The following MARK1 variants were observed in gnomAD, a reference collection of about 807,000 sequenced individuals.
MARK1 encodes the protein serine/threonine-protein kinase MARK1.
Under a neutral mutation model 96.3 loss-of-function variants are expected in MARK1, and 40 were observed. That is an observed-to-expected ratio of 0.42 (90% CI 0.32 to 0.54). MARK1 has a LOEUF of 0.54. Among genes scored for constraint, MARK1 ranks in the 20% least tolerant of loss-of-function variants. MARK1 has a pLI of 0.16. For missense variants in MARK1, 719 were observed against 984.6 expected (o/e 0.73, Z 3.61); for synonymous variants, 317 against 341.2 (o/e 0.93, Z 0.78).
At chr1:220,637,496 A>T (rs1315770707) in intron 13 of MARK1, among the ~76,000 whole-genome samples, 1 of 152,106 alleles carries the variant, frequency 6.6e-6, no homozygotes, top group South Asian at 2.1e-4. Context: ...CCTGGCTAAC[A>T]TGATAAAACC....
chr1:220,636,387 C>T (rs1256686799), intron 13 of MARK1, among the ~76,000 whole-genome samples: 1 of 151,990 alleles, frequency 6.6e-6, no homozygotes, highest in Non-Finnish European at 1.5e-5. Context: ...AGTTGCCTCA[C>T]ATTATTCACT....
chr1:220,611,590 A>T (rs1238389833), intron 6 of MARK1, among the ~76,000 whole-genome samples: 1 of 152,196 alleles, frequency 6.6e-6, no homozygotes, highest in Non-Finnish European at 1.5e-5. Flanking sequence ...TCCCAGTGAG[A>T]TGAACCAGGT....
chr1:220,603,773 G>C (rs1222227779), intron 5 of MARK1, among the ~76,000 whole-genome samples: 1 of 152,058 alleles, frequency 6.6e-6, no homozygotes, highest in Non-Finnish European at 1.5e-5. Flanking sequence ...GTATAATAAA[G>C]AGTTGACTGT....
At chr1:220,625,769 A>C in intron 9 of MARK1, 1 of 450,526 alleles carries the variant, frequency 2.2e-6, no homozygotes, top group Admixed American at 2.5e-5. Flanking sequence ...CCAGGAGGAA[A>C]GTCTGTTACT....
In MARK1 at chr1:220,626,432, A is replaced by G. The variant is rs1016043601; in HGVS notation, c.910-4603A>G. 2.7e-4 allele frequency: 149 copies of G among 544,488 alleles called. 1 individual carries two copies. In the Admixed American group the frequency reaches 2.8e-3, roughly 10 times the overall value. The allele number at this position is 544,488 out of a possible 1,614,324, so 33.7% of individuals were successfully genotyped here. A position where few individuals can be genotyped will look rare whatever the true frequency, so the allele number is the denominator to read the frequency against. On this transcript the variant is annotated intron_variant, in intron 9 of 17. Transcript: ENST00000366917. ...AACTACCTGCTCCGAGATGGGATTGACGACAAGTCCTATGAGGCCATTTCA... is the reference window on the plus strand; with the variant it reads ...AACTACCTGCTCCGAGATGGGATTGGCGACAAGTCCTATGAGGCCATTTCA...
intron 3 of MARK1, among the ~76,000 whole-genome samples, chr1:220,589,814 A>T (rs1274427122): frequency 6.6e-6 from 1 of 152,268 alleles, no homozygotes; most frequent in Non-Finnish European, 1.5e-5. Flanking sequence ...ACTGAAAATT[A>T]ACATCAGAAA....
intron 3 of MARK1, among the ~76,000 whole-genome samples, chr1:220,587,214 A>T (rs1229288542): frequency 1.3e-5 from 2 of 151,876 alleles, no homozygotes; most frequent in Admixed American, 6.6e-5. Flanking sequence ...TTTTCATTTA[A>T]CATTGTCTTA....
In MARK1 at chr1:220,581,107, A is replaced by T; in HGVS notation, c.298A>T (p.Ser100Cys). The part of the protein sequence containing the change: ...IIDKTQLNPT[S>C]LQKLFREVRI... ...AGACAAAACTCAGCTAAATCCTACC[A>T]GTCTACAAAAGGTATTTAATTAATT... Residue 100 changes from serine (S) to cysteine (C), a missense_variant, in exon 3 of 18, where the codon AGT (serine) becomes TGT (cysteine). By Grantham distance (112) the Ser-to-Cys change is moderately radical. This residue lies in a region of MARK1 where 105 missense variants were observed against 133.4 expected (regional missense o/e 0.79). Coordinates refer to ENST00000366917, the MANE Select transcript of MARK1 (RefSeq NM_018650.5). The T allele has an allele frequency of 8.1e-7, 1 of 1,231,000 alleles. No individual in the cohort carries two copies. The allele number at this position is 1,231,000 out of a possible 1,614,324, so 76.3% of individuals were successfully genotyped here. A position where few individuals can be genotyped will look rare whatever the true frequency, so the allele number is the denominator to read the frequency against.
intron 13 of MARK1, among the ~76,000 whole-genome samples, chr1:220,638,441 T>A (rs943847717): frequency 1.8e-4 from 28 of 152,308 alleles, no homozygotes; most frequent in Middle Eastern, 3.4e-3. Flanking sequence ...CTTTTTCAAT[T>A]GCTTATCCTG....
chr1:220,591,026 T>C (rs1463505985), intron 3 of MARK1, among the ~76,000 whole-genome samples: 1 of 152,110 alleles, frequency 6.6e-6, no homozygotes, highest in Non-Finnish European at 1.5e-5. Context: ...GGAAGTGGAG[T>C]GACCTTCTGT....
chr1:220,629,142 A>C (rs78792803), intron 9 of MARK1, among the ~76,000 whole-genome samples: 1 of 152,136 alleles, frequency 6.6e-6, no homozygotes, highest in Admixed American at 6.6e-5. Context: ...TAATTAGTGG[A>C]ATATTGGCAA....
At chr1:220,563,014 C>T (rs528541479) in intron 1 of MARK1, among the ~76,000 whole-genome samples, 57 of 152,240 alleles carry the variant, frequency 3.7e-4, no homozygotes, top group Non-Finnish European at 6.6e-4. Context: ...AAGTAGGTAG[C>T]TTGGCCAGTA....
chr1:220,651,037 A>G (rs553906099), intron 14 of MARK1, among the ~76,000 whole-genome samples: 34 of 152,260 alleles, frequency 2.2e-4, no homozygotes, highest in African/African-American at 7.7e-4. Flanking sequence ...TCTCTTATGC[A>G]CCTGCTGCCT....
At chr1:220,595,563 T>G (rs546333855) in intron 3 of MARK1, among the ~76,000 whole-genome samples, 3 of 152,338 alleles carry the variant, frequency 2.0e-5, no homozygotes, top group Middle Eastern at 3.4e-3. Context: ...GAGTAGGCAC[T>G]TGAGAGTCAT....
At chr1:220,624,158 C>T (rs1036924905) in intron 9 of MARK1, among the ~76,000 whole-genome samples, 8 of 151,352 alleles carry the variant, frequency 5.3e-5, no homozygotes, top group African/African-American at 1.5e-4. Context: ...ATTAGCTGGG[C>T]ATGGTGGCGA....
At chr1:220,627,866 AT>A in intron 9 of MARK1, 1 of 153,098 alleles carries the variant, frequency 6.5e-6, no homozygotes, top group Non-Finnish European at 1.5e-5. Flanking sequence ...AACATCAGCC[AT>A]TTTTAGATTG....
rs1477510750 is a variant in MARK1, at chr1:220,654,890, T to C, written c.1988+1538T>C. On this transcript the variant is annotated intron_variant, in intron 16 of 17. Coordinates refer to ENST00000366917, the MANE Select transcript of MARK1 (RefSeq NM_018650.5). The surrounding 1 kb of genome is among the most constrained non-coding windows in gnomAD (Gnocchi z 4.0). ...TTGGAAAGGAAGTCGTGAGATAGAATGCCAAAGCAAGAAAGTGCCTTAGAG... is the reference window on the plus strand; with the variant it reads ...TTGGAAAGGAAGTCGTGAGATAGAACGCCAAAGCAAGAAAGTGCCTTAGAG... Among the ~76,000 whole-genome samples the C allele has an allele frequency of 6.6e-6, 1 of 152,250 alleles. No individual in the cohort carries two copies. Among genetic ancestry groups the C allele is most frequent in the East Asian group, 1.9e-4 (1 of 5,206 alleles).
At position 220,579,483 on chromosome 1, in the gene MARK1, C is replaced by T. The variant is rs745830276; in HGVS notation, c.181C>T (p.Arg61Cys). 1.5e-5 allele frequency: 24 copies of T among 1,613,836 alleles called. No homozygotes were observed. Among genetic ancestry groups the T allele is most frequent in the East Asian group, 4.5e-5 (2 of 44,846 alleles). ...TDEQPHIGNY[R>C]LQKTIGKGNF... ...TGAACAGCCTCACATTGGAAATTAC[C>T]GTTTACAAAAAACAATAGGGAAGGG... is the stretch of plus-strand genomic sequence containing the variant. The change falls in exon 2 of 18, where the codon CGT becomes TGT. Residue 61 changes from arginine to cysteine, a missense_variant. By Grantham distance (180) the Arg-to-Cys change is radical (BLOSUM62 -3). Transcript: ENST00000366917.
rs1669524781 is a variant in MARK1, at chr1:220,662,372, T to A, written c.*206T>A. ...AATATCTGTAGCTTAAAAAGTAGGT[T>A]CACATGTACAGGTAAGTATATTGTG... On this transcript the variant is annotated 3_prime_UTR_variant, in exon 18 of 18. Coordinates refer to ENST00000366917, the MANE Select transcript of MARK1 (RefSeq NM_018650.5). 1.8e-6 allele frequency: 1 copy of A among 544,434 alleles called. No homozygotes were observed. Among genetic ancestry groups the A allele is most frequent in the Non-Finnish European group, 3.3e-6 (1 of 306,482 alleles). 33.7% of individuals were successfully genotyped at this position (544,434 alleles called of 1,614,324 possible).
Sources: gnomAD v4.1 joint callset for allele counts (sites outside exome capture counted in the v4.1 genomes callset) on GRCh38, gnomAD v4.1.1 for gene constraint, gnomAD v4.1.1 regional missense constraint, Gnocchi (gnomAD v3.1) non-coding constraint, MANE v1.5 for transcripts, NCBI Gene and HGNC (gene_info 2026-07-23, HGNC 2026-07-21) for gene names.